The following STAU1 variants were observed in gnomAD, a reference collection of about 807,000 sequenced individuals.
STAU1 encodes the protein double-stranded RNA-binding protein Staufen homolog 1.
STAU1 carries 13 observed loss-of-function variants against 62.9 expected under a neutral mutation model. That is an observed-to-expected ratio of 0.21 (90% CI 0.13 to 0.33). The LOEUF (loss-of-function observed/expected upper bound fraction) is 0.33. STAU1 is among the 10% of genes least tolerant of loss of function. The pLI is 1.00. For missense variants in STAU1, 571 were observed against 712.1 expected, an observed-to-expected ratio of 0.80 and a Z score of 2.25; for synonymous variants, 269 against 265.1, an observed-to-expected ratio of 1.01 and a Z score of -0.14.
At chr20:49,158,690 A>G (rs181089024) in intron 3 of STAU1, among the ~76,000 whole-genome samples, 2 of 152,136 alleles carry the variant, frequency 1.3e-5, no homozygotes, top group Non-Finnish European at 2.9e-5. Context: ...TGCACCTGTA[A>G]TTCCAGCTAC....
the STAU1 span, among the ~76,000 whole-genome samples, chr20:49,212,644 T>C: frequency 2.2e-5 from 2 of 90,064 alleles, no homozygotes; most frequent in Non-Finnish European, 4.9e-5. Flanking sequence ...AGTTTTGCTC[T>C]TGTTGCCCAG....
At chr20:49,131,996 A>C (rs2092761132) in intron 6 of STAU1, among the ~76,000 whole-genome samples, 1 of 152,142 alleles carries the variant, frequency 6.6e-6, no homozygotes, top group African/African-American at 2.4e-5. Flanking sequence ...AAAAATGTCT[A>C]GGTAAGAAAA....
chr20:49,218,829 C>A, the STAU1 span, among the ~76,000 whole-genome samples: 2 of 151,744 alleles, frequency 1.3e-5, no homozygotes, highest in Admixed American at 1.3e-4. Context: ...ATTGCTTGAG[C>A]CCAGGAGTTC....
In STAU1 at chr20:49,143,126, C is replaced by G. The variant is rs141917325; in HGVS notation, c.511-7195G>C. On this transcript the variant is annotated intron_variant, in intron 5 of 13. Coordinates refer to ENST00000371856, the MANE Select transcript of STAU1 (RefSeq NM_017453.4). ...CATTAAAAATTTCCTATTATCCAGA[C>G]TGACAAAATGTTCCAAGTAGGGAGG... Among the ~76,000 whole-genome samples, 1,023 of 152,170 alleles carry G rather than the reference C, an allele frequency of 6.7e-3. 25 individuals carry two copies. The highest frequency in any genetic ancestry group is 0.045 in the South Asian group (219 of 4,816).
In STAU1 at chr20:49,117,642, T is replaced by A. The variant is rs113879761; in HGVS notation, c.1509+135A>T. ...TACTTCTATACCTCCTACCCTTCCATCACTGCTCCCCAGCCCATCCCTGGA... is the reference window on the plus strand; with the variant it reads ...TACTTCTATACCTCCTACCCTTCCAACACTGCTCCCCAGCCCATCCCTGGA... On this transcript the variant is annotated intron_variant, in intron 11 of 13. Transcript: ENST00000371856. This position sits in a 1 kb window ranked among gnomAD's most constrained non-coding sequence, Gnocchi z 4.6. 188 of 855,964 alleles carry A rather than the reference T, an allele frequency of 2.2e-4. 3 individuals carry two copies. In the African/African-American group the frequency reaches 2.7e-3, roughly 12 times the overall value. 53.0% of individuals were successfully genotyped at this position (855,964 alleles called of 1,614,324 possible). A position where few individuals can be genotyped will look rare whatever the true frequency, so the allele number is the denominator to read the frequency against.
rs1199172450 is a variant in STAU1 at position 49,114,075 on chromosome 20, G to A, written c.*803C>T. ...GTCCAGGACTGTTTCAGCTGAACCA[G>A]AGGGCACACAATTTGCATCACTGAA... is the stretch of plus-strand genomic sequence containing the variant. On this transcript the variant is annotated 3_prime_UTR_variant, in exon 14 of 14. Transcript: ENST00000371856. The A allele has an allele frequency of 6.6e-6, 1 of 152,642 alleles. No individual in the cohort carries two copies. The highest frequency in any genetic ancestry group is 1.5e-5 in the Non-Finnish European group (1 of 68,048). 9.5% of individuals were successfully genotyped at this position (152,642 alleles called of 1,614,324 possible).
chr20:49,117,075 G>C lies in STAU1; in HGVS notation c.1632+51C>G, dbSNP rs529705198. 16 of 1,605,256 alleles carry C rather than the reference G, an allele frequency of 1.0e-5. No individual in the cohort carries two copies. In the East Asian group the frequency reaches 2.9e-4, roughly 29 times the overall value. The stretch of plus-strand genomic sequence containing the variant: ...CTAGTAACAAGCTGAACCAAGGCAG[G>C]CTCCACATAAACACACAACACCCCA... On this transcript the variant is annotated intron_variant, in intron 12 of 13. Coordinates refer to ENST00000371856, the MANE Select transcript of STAU1 (RefSeq NM_017453.4). The surrounding 1 kb of genome is among the most constrained non-coding windows in gnomAD (Gnocchi z 4.6).
In STAU1 at chr20:49,117,864, A is replaced by G. The variant is rs778827893; in HGVS notation, c.1422T>C (p.Asn474=). 2.5e-6 allele frequency: 4 copies of G among 1,614,154 alleles called. No individual in the cohort carries two copies. The highest frequency in any genetic ancestry group is 3.4e-6 in the Non-Finnish European group (4 of 1,180,032). The change falls in exon 11 of 14, where the codon AAT becomes AAC. Residue 474 remains asparagine, a synonymous_variant. Coordinates refer to ENST00000371856, the MANE Select transcript of STAU1 (RefSeq NM_017453.4). The surrounding 1 kb of genome is among the most constrained non-coding windows in gnomAD (Gnocchi z 4.6). ...GGGGTACGTGGCCTGAAGAGATGTTATTCTTTAAAATGGTCTCGGCTGTGG... is the reference window on the plus strand; with the variant it reads ...GGGGTACGTGGCCTGAAGAGATGTTGTTCTTTAAAATGGTCTCGGCTGTGG... The part of the protein sequence containing the change: ...TSPTAETILK[N]NISSGHVPHG...
rs2092272038 is a variant in STAU1 at position 49,114,724 on chromosome 20, G to A, written c.*154C>T. The A allele has an allele frequency of 2.7e-6, 2 of 733,614 alleles. No homozygotes were observed. The highest frequency in any genetic ancestry group is 4.7e-6 in the Non-Finnish European group (2 of 428,174). The allele number at this position is 733,614 out of a possible 1,614,324, so 45.4% of individuals were successfully genotyped here. ...CCAGCCCGGCCACAGCCGCCTCCTT[G>A]TGTTTCTGTTGTCTTCCCTGCTGCT... On this transcript the variant is annotated 3_prime_UTR_variant, in exon 14 of 14. Coordinates refer to ENST00000371856, the MANE Select transcript of STAU1 (RefSeq NM_017453.4).
intron 5 of STAU1, 127 bp downstream of exon 5, chr20:49,151,455 A>G (rs571471142): frequency 1.2e-4 from 118 of 948,744 alleles, no homozygotes; most frequent in Non-Finnish European, 1.5e-4. Flanking sequence ...AAAATCTTGG[A>G]GGCATTCAAA....
At chr20:49,180,332 T>TTTC (rs1555873834) in intron 1 of STAU1, among the ~76,000 whole-genome samples, 29 of 146,742 alleles carry the variant, frequency 2.0e-4, no homozygotes, top group Admixed American at 4.8e-4. Flanking sequence ...TTTTTTTTTT[T>TTTC]CCCCCCCTGG....
At chr20:49,155,878 TAACTTCCCAG>T (rs935743467) in intron 3 of STAU1, among the ~76,000 whole-genome samples, 2 of 152,210 alleles carry the variant, frequency 1.3e-5, no homozygotes, top group African/African-American at 4.8e-5. Flanking sequence ...ATGTGACTGG[TAACTTCCCAG>T]ATTCCTTCCT....
At chr20:49,130,724 C>CA (rs1321422417) in intron 6 of STAU1, among the ~76,000 whole-genome samples, 1 of 152,146 alleles carries the variant, frequency 6.6e-6, no homozygotes. Context: ...CAGTGATAAT[C>CA]AATGCCAGCA....
At chr20:49,161,812 T>C (rs2093452763) in intron 3 of STAU1, among the ~76,000 whole-genome samples, 1 of 152,154 alleles carries the variant, frequency 6.6e-6, no homozygotes, top group Admixed American at 6.6e-5. Flanking sequence ...GATACAAAAC[T>C]GCAAATCATT....
chr20:49,117,579 A>T lies in STAU1; in HGVS notation c.1509+198T>A, dbSNP rs2092358165. On this transcript the variant is annotated intron_variant, in intron 11 of 13. Coordinates refer to ENST00000371856, the MANE Select transcript of STAU1 (RefSeq NM_017453.4). This position sits in a 1 kb window ranked among gnomAD's most constrained non-coding sequence, Gnocchi z 4.6. ...CTTGCATGTTGAAATCTTACTACCA[A>T]AGGATAAAGATATTTCTCTTACCAC... Among the ~76,000 whole-genome samples the T allele has an allele frequency of 6.6e-6, 1 of 152,206 alleles. No individual in the cohort carries two copies. The highest frequency in any genetic ancestry group is 2.1e-4 in the South Asian group (1 of 4,830).
At chr20:49,218,565 CA>C in the STAU1 span, among the ~76,000 whole-genome samples, 36 of 109,244 alleles carry the variant, frequency 3.3e-4, no homozygotes, top group East Asian at 0.015. Context: ...AACAAACAAA[CA>C]AAAAAAACAT....
intron 3 of STAU1, among the ~76,000 whole-genome samples, chr20:49,163,610 G>C (rs2093483261): frequency 1.3e-5 from 2 of 151,808 alleles, no homozygotes; most frequent in African/African-American, 4.8e-5. Flanking sequence ...ATTTTTAATA[G>C]AGACAGGGTT....
At chr20:49,151,274 C>T (rs2093243068) in intron 5 of STAU1, among the ~76,000 whole-genome samples, 1 of 152,168 alleles carries the variant, frequency 6.6e-6, no homozygotes, top group African/African-American at 2.4e-5. Context: ...CCGAAGACTT[C>T]ATCCATACAT....
chr20:49,215,182 C>T, the STAU1 span, among the ~76,000 whole-genome samples: 51 of 152,286 alleles, frequency 3.3e-4, no homozygotes, highest in African/African-American at 1.1e-3. Context: ...GGCTTTTGCA[C>T]TTGCTGGGTT....
Sources: allele counts gnomAD v4.1 joint callset (sites outside exome capture counted in the v4.1 genomes callset), GRCh38; gene constraint gnomAD v4.1.1; non-coding constraint Gnocchi (gnomAD v3.1); transcripts MANE v1.5; gene names NCBI Gene and HGNC (gene_info 2026-07-23, HGNC 2026-07-21).